Variants in SH3PXD2A observed in about 807,000 individuals in gnomAD.
The protein encoded by SH3PXD2A is SH3 and PX domain-containing protein 2A.
A neutral mutation model predicts 115.2 loss-of-function variants in SH3PXD2A; 32 were observed. That is an observed-to-expected ratio of 0.28 (90% confidence interval 0.21 to 0.37). The LOEUF is 0.37. Among genes scored for constraint, SH3PXD2A ranks in the 10% least tolerant of loss-of-function variants. The pLI, the probability that SH3PXD2A is intolerant of heterozygous loss-of-function variation, is 1.00. For synonymous variants in SH3PXD2A, 610 were observed against 629.1 expected, an observed-to-expected ratio of 0.97 and a Z score of 0.45; for missense variants, 1,328 against 1,498.7, an observed-to-expected ratio of 0.89 and a Z score of 1.88.
intron 1 of SH3PXD2A, among the ~76,000 whole-genome samples, chr10:103,826,216 G>A (rs1354486649): frequency 6.6e-6 from 1 of 152,116 alleles, no homozygotes; most frequent in Non-Finnish European, 1.5e-5. Context: ...TAATAAAGAT[G>A]CCCATGTTTG....
intron 4 of SH3PXD2A, among the ~76,000 whole-genome samples, chr10:103,727,784 G>A (rs775716989): frequency 6.6e-6 from 1 of 152,230 alleles, no homozygotes; most frequent in South Asian, 2.1e-4. Context: ...ATTTAACGGG[G>A]AGCCCTGAGG....
intron 6 of SH3PXD2A, among the ~76,000 whole-genome samples, chr10:103,684,321 T>C (rs912401743): frequency 7.2e-5 from 11 of 151,770 alleles, no homozygotes; most frequent in African/African-American, 2.7e-4. Flanking sequence ...AAGCTTCCTC[T>C]ATAAAAGGAG....
intron 3 of SH3PXD2A, among the ~76,000 whole-genome samples, chr10:103,765,357 C>A (rs921388004): frequency 1.3e-5 from 2 of 152,234 alleles, no homozygotes; most frequent in African/African-American, 4.8e-5. Flanking sequence ...GTTCTCTGAG[C>A]TCCCTCTCCA....
intron 1 of SH3PXD2A, among the ~76,000 whole-genome samples, chr10:103,841,693 C>T (rs1040253607): frequency 1.1e-4 from 16 of 152,122 alleles, no homozygotes; most frequent in Admixed American, 2.6e-4. Context: ...CCAGCCACCT[C>T]GGGGCCTTGG....
At chr10:103,708,390 G>C (rs997180927) in intron 5 of SH3PXD2A, among the ~76,000 whole-genome samples, 1 of 152,144 alleles carries the variant, frequency 6.6e-6, no homozygotes, top group Admixed American at 6.5e-5. Flanking sequence ...CTCAGTGGGA[G>C]GTTGGAGCCC....
At chr10:103,677,518 G>A (rs1313447539) in intron 6 of SH3PXD2A, among the ~76,000 whole-genome samples, 1 of 152,216 alleles carries the variant, frequency 6.6e-6, no homozygotes. Flanking sequence ...GGGGGTCAGG[G>A]GTAGGAGGAG....
At chr10:103,704,237 GAGA>G (rs1211081037) in intron 5 of SH3PXD2A, among the ~76,000 whole-genome samples, 1 of 152,206 alleles carries the variant, frequency 6.6e-6, no homozygotes, top group Non-Finnish European at 1.5e-5. Flanking sequence ...AGGGCACTGA[GAGA>G]AGGAGCCAGG....
chr10:103,816,617 T>C (rs989345815), intron 1 of SH3PXD2A, among the ~76,000 whole-genome samples: 1 of 152,190 alleles, frequency 6.6e-6, no homozygotes, highest in Non-Finnish European at 1.5e-5. Context: ...TGGTTAAACG[T>C]AGCGTCACCG....
intron 5 of SH3PXD2A, among the ~76,000 whole-genome samples, chr10:103,711,335 C>G (rs1231525797): frequency 6.6e-6 from 1 of 152,206 alleles, no homozygotes; most frequent in Non-Finnish European, 1.5e-5. Flanking sequence ...TACTGGCCTT[C>G]TAAGAAGTTT....
chr10:103,789,789 C>T (rs2039017056), intron 2 of SH3PXD2A, among the ~76,000 whole-genome samples: 3 of 152,182 alleles, frequency 2.0e-5, no homozygotes, highest in African/African-American at 7.2e-5. Flanking sequence ...GCCTCCCTGA[C>T]GTGACACCCA....
At chr10:103,846,213 A>G (rs1842847179) in intron 1 of SH3PXD2A, among the ~76,000 whole-genome samples, 1 of 152,272 alleles carries the variant, frequency 6.6e-6, no homozygotes, top group Admixed American at 6.5e-5. Flanking sequence ...GGGACAGAGA[A>G]AGCAGCCCAG....
chr10:103,732,444 C>T (rs935924477), intron 4 of SH3PXD2A, among the ~76,000 whole-genome samples: 2 of 152,234 alleles, frequency 1.3e-5, no homozygotes, highest in Admixed American at 6.5e-5. Context: ...AAAATGATCA[C>T]TCAGTCGGCA....
chr10:103,799,599 G>T (rs1338970058), intron 2 of SH3PXD2A, among the ~76,000 whole-genome samples: 1 of 152,226 alleles, frequency 6.6e-6, no homozygotes, highest in Non-Finnish European at 1.5e-5. Flanking sequence ...CTGAGATTCT[G>T]CAATGCAGGA....
intron 1 of SH3PXD2A, among the ~76,000 whole-genome samples, chr10:103,854,236 T>C (rs576209286): frequency 1.3e-5 from 2 of 152,344 alleles, no homozygotes; most frequent in African/African-American, 4.8e-5. Context: ...TTAAGATTAA[T>C]GCTTTGAGCA....
chr10:103,648,733 C>G (rs1037455747), intron 8 of SH3PXD2A, among the ~76,000 whole-genome samples: 10 of 152,226 alleles, frequency 6.6e-5, no homozygotes, highest in African/African-American at 2.4e-4. Context: ...ACGAGAAGCA[C>G]CAGCTGGCCC....
intron 8 of SH3PXD2A, among the ~76,000 whole-genome samples, chr10:103,645,574 G>A (rs987621486): frequency 8.5e-5 from 13 of 152,084 alleles, no homozygotes; most frequent in African/African-American, 3.1e-4. Context: ...GGGCCTCTCC[G>A]CTTACAGGAA....
chr10:103,816,997 ATT>A (rs56260224), intron 1 of SH3PXD2A, among the ~76,000 whole-genome samples: 5,019 of 99,622 alleles, frequency 0.05, 162 homozygotes, highest in African/African-American at 0.12. Flanking sequence ...CACCCGGCTA[ATT>A]TTTTTTTTTT....
chr10:103,822,553 G>A (rs1038088147), intron 1 of SH3PXD2A, among the ~76,000 whole-genome samples: 2 of 152,220 alleles, frequency 1.3e-5, no homozygotes, highest in Non-Finnish European at 1.5e-5. Flanking sequence ...ATGGTGGGGG[G>A]GGAGCAGCAC....
chr10:103,726,001 C>T (rs1483309952), intron 4 of SH3PXD2A, among the ~76,000 whole-genome samples: 1 of 152,184 alleles, frequency 6.6e-6, no homozygotes, highest in Non-Finnish European at 1.5e-5. Context: ...GGTGTAGCCC[C>T]GTTTTCTGGG....
Sources: gnomAD v4.1 joint callset for allele counts (sites outside exome capture counted in the v4.1 genomes callset) on GRCh38, gnomAD v4.1.1 for gene constraint, MANE v1.5 for transcripts, NCBI Gene and HGNC (gene_info 2026-07-23, HGNC 2026-07-21) for gene names.